CDH13: variants seen among roughly 807,000 people sequenced by gnomAD.
The protein encoded by CDH13 is cadherin 13, also known as cadherin-13.
CDH13 carries 24 observed loss-of-function variants against 63.8 expected under a neutral mutation model. That is an observed-to-expected ratio of 0.38 (90% CI 0.27 to 0.53). The LOEUF (loss-of-function observed/expected upper bound fraction) is 0.53. Ranked by LOEUF, CDH13 falls within the 20% of genes least tolerant of loss-of-function variation. The pLI is 0.85. For missense variants in CDH13, 1,049 were observed against 903.1 expected, an observed-to-expected ratio of 1.16 and a Z score of -2.07; for synonymous variants, 503 against 355.3, an observed-to-expected ratio of 1.42 and a Z score of -4.67.
At chr16:83,563,115 A>G (rs1250919699) in intron 7 of CDH13, among the ~76,000 whole-genome samples, 4 of 152,204 alleles carry the variant, frequency 2.6e-5, no homozygotes, top group Non-Finnish European at 4.4e-5. Flanking sequence ...TTAATGAACA[A>G]ACTTCTCCCT....
intron 10 of CDH13, among the ~76,000 whole-genome samples, chr16:83,705,358 C>G (rs543503222): frequency 6.6e-6 from 1 of 152,292 alleles, no homozygotes; most frequent in East Asian, 1.9e-4. Flanking sequence ...CCCGGTGGCT[C>G]ACGCCTGTAA....
At chr16:82,654,198 A>C (rs944292953) in intron 1 of CDH13, among the ~76,000 whole-genome samples, 2 of 152,166 alleles carry the variant, frequency 1.3e-5, no homozygotes, top group Non-Finnish European at 2.9e-5. Context: ...AGTCACCTAG[A>C]GATTCTGGGG....
chr16:82,930,097 T>G (rs1218193690), intron 2 of CDH13, among the ~76,000 whole-genome samples: 1 of 138,736 alleles, frequency 7.2e-6, no homozygotes, highest in Non-Finnish European at 1.5e-5. Flanking sequence ...CAGGCTGGAG[T>G]GTATTGGTGC....
intron 2 of CDH13, among the ~76,000 whole-genome samples, chr16:82,900,472 A>C (rs533267360): frequency 7.9e-5 from 12 of 152,204 alleles, no homozygotes; most frequent in Non-Finnish European, 1.6e-4. Context: ...ATTCTATCAA[A>C]AAGCTCAGCT....
At chr16:83,492,754 G>C (rs1260044670) in intron 7 of CDH13, among the ~76,000 whole-genome samples, 1 of 152,104 alleles carries the variant, frequency 6.6e-6, no homozygotes, top group South Asian at 2.1e-4. Context: ...TTGGTGGGAG[G>C]GTTAGAGATG....
At chr16:82,688,799 G>C (rs1196787212) in intron 1 of CDH13, 2 of 152,164 alleles carry the variant, frequency 1.3e-5, no homozygotes, top group East Asian at 3.9e-4. Context: ...AAAATGGAGA[G>C]GCCTGGGTTG....
At chr16:83,035,942 C>T (rs1247615043) in intron 3 of CDH13, among the ~76,000 whole-genome samples, 1 of 152,158 alleles carries the variant, frequency 6.6e-6, no homozygotes, top group African/African-American at 2.4e-5. Context: ...GTGCTAAACC[C>T]TGGGTTTATT....
rs1367596282 is a variant in CDH13, at chr16:83,662,285, C to A, written c.1102-8505C>A. Among the ~76,000 whole-genome samples the A allele has an allele frequency of 2.0e-5, 3 of 152,322 alleles. No homozygotes were observed. In the East Asian group the frequency reaches 5.8e-4, roughly 29 times the overall value. On this transcript the variant is annotated intron_variant, in intron 8 of 13. Transcript: ENST00000567109. ...GGAAGACTCTGGATGTTTAGTAGAC[C>A]TTTCTGTCACTGTCCATTACCATAG...
chr16:83,020,364 G>C (rs1377021514), intron 2 of CDH13, among the ~76,000 whole-genome samples: 1 of 151,928 alleles, frequency 6.6e-6, no homozygotes, highest in African/African-American at 2.4e-5. Context: ...AACATTCCTG[G>C]GAAACTCTTG....
intron 6 of CDH13, among the ~76,000 whole-genome samples, chr16:83,442,426 C>G (rs1421254975): frequency 6.6e-6 from 1 of 152,220 alleles, no homozygotes; most frequent in Non-Finnish European, 1.5e-5. Context: ...TTAAAGAGCA[C>G]AAAGACATCC....
At chr16:82,799,126 C>G (rs8057489) in intron 1 of CDH13, among the ~76,000 whole-genome samples, 2 of 151,920 alleles carry the variant, frequency 1.3e-5, no homozygotes, top group Admixed American at 1.3e-4. Flanking sequence ...AATTATATAT[C>G]CCCCTAAAAT....
At chr16:82,786,348 A>T (rs1211019169) in intron 1 of CDH13, among the ~76,000 whole-genome samples, 1 of 152,100 alleles carries the variant, frequency 6.6e-6, no homozygotes, top group Non-Finnish European at 1.5e-5. Flanking sequence ...ACACTATCCC[A>T]ATGAAAACGT....
At chr16:83,077,239 CT>C (rs2032917010) in intron 3 of CDH13, among the ~76,000 whole-genome samples, 1 of 112,462 alleles carries the variant, frequency 8.9e-6, no homozygotes, top group African/African-American at 3.5e-5. Context: ...GTCACCTAGG[CT>C]GGAGAACAGT....
At chr16:83,056,780 G>T (rs559130757) in intron 3 of CDH13, among the ~76,000 whole-genome samples, 1 of 152,062 alleles carries the variant, frequency 6.6e-6, no homozygotes, top group Non-Finnish European at 1.5e-5. Flanking sequence ...TTCCCATGCT[G>T]TTCTCGTGAT....
rs141038717 is a variant in CDH13 at position 83,360,890 on chromosome 16, A to T, written c.781+15884A>T. 2.4e-4 allele frequency among the ~76,000 whole-genome samples: 36 copies of T among 152,232 alleles called. No homozygotes were observed. In the East Asian group the frequency reaches 3.1e-3, roughly 13 times the overall value. On this transcript the variant is annotated intron_variant, in intron 6 of 13. Transcript: ENST00000567109. ...CCTAGGTTGATTCCATGTCTTTGCTATTTGAATAGTGCTGCAACAAACATA... is the reference window on the plus strand; with the variant it reads ...CCTAGGTTGATTCCATGTCTTTGCTTTTTGAATAGTGCTGCAACAAACATA...
intron 2 of CDH13, among the ~76,000 whole-genome samples, chr16:83,008,756 C>T (rs1913810945): frequency 6.6e-6 from 1 of 152,170 alleles, no homozygotes; most frequent in Admixed American, 6.5e-5. Context: ...CTTTCTCCCT[C>T]CTTCCTTTCA....
chr16:82,966,840 C>T (rs1010303803), intron 2 of CDH13, among the ~76,000 whole-genome samples: 1 of 152,126 alleles, frequency 6.6e-6, no homozygotes, highest in Non-Finnish European at 1.5e-5. Context: ...GATGTTTTTT[C>T]TCTCTCATAG....
chr16:83,163,683 G>C (rs1219474393), intron 4 of CDH13, among the ~76,000 whole-genome samples: 4 of 152,080 alleles, frequency 2.6e-5, no homozygotes, highest in Non-Finnish European at 4.4e-5. Flanking sequence ...GGATGTGTTT[G>C]ATATGGTGCC....
intron 2 of CDH13, among the ~76,000 whole-genome samples, chr16:82,881,744 T>C (rs2085182381): frequency 6.6e-6 from 1 of 152,156 alleles, no homozygotes; most frequent in Non-Finnish European, 1.5e-5. Context: ...GACACCCACA[T>C]TCCTAGTGTG....
Sources: gnomAD v4.1 joint callset for allele counts (sites outside exome capture counted in the v4.1 genomes callset) on GRCh38, gnomAD v4.1.1 for gene constraint, MANE v1.5 for transcripts, NCBI Gene and HGNC (gene_info 2026-07-23, HGNC 2026-07-21) for gene names.